MTUS2: variants seen among roughly 807,000 people sequenced by gnomAD.
MTUS2 encodes the protein microtubule associated scaffold protein 2.
In MTUS2, 40 loss-of-function variants were observed where a neutral mutation model predicts 114.1. That is an observed-to-expected ratio of 0.35 (90% CI 0.27 to 0.46). The LOEUF is 0.46. Ranked by LOEUF, MTUS2 falls within the 20% of genes least tolerant of loss-of-function variation. The pLI is 1.00. For missense variants in MTUS2, 1,679 were observed against 1,705.4 expected, an observed-to-expected ratio of 0.98 and a Z score of 0.27; for synonymous variants, 688 against 672.0, an observed-to-expected ratio of 1.02 and a Z score of -0.37.
chr13:29,029,717 A>G (rs1489122807), intron 3 of MTUS2, among the ~76,000 whole-genome samples: 1 of 152,086 alleles, frequency 6.6e-6, no homozygotes, highest in Non-Finnish European at 1.5e-5. Flanking sequence ...CTCAAGGGGG[A>G]AGAAGAAGGG....
At chr13:29,184,288 G>A (rs1013507737) in intron 5 of MTUS2, among the ~76,000 whole-genome samples, 2 of 152,050 alleles carry the variant, frequency 1.3e-5, no homozygotes, top group Non-Finnish European at 2.9e-5. Flanking sequence ...CCCCTCCAGG[G>A]GCCTCCCTTA....
At chr13:29,191,472 C>T (rs865993693) in intron 5 of MTUS2, among the ~76,000 whole-genome samples, 2 of 152,102 alleles carry the variant, frequency 1.3e-5, no homozygotes, top group Non-Finnish European at 2.9e-5. Context: ...ATTCTGACAT[C>T]GTGGCAACTG....
chr13:29,251,285 G>GGATGAT (rs200534984), intron 5 of MTUS2, among the ~76,000 whole-genome samples: 2 of 74,944 alleles, frequency 2.7e-5, no homozygotes, highest in Admixed American at 3.7e-4. Flanking sequence ...TGTGAAAATG[G>GGATGAT]GATGATGATA....
intron 4 of MTUS2, among the ~76,000 whole-genome samples, chr13:29,038,272 A>G (rs1213358190): frequency 6.6e-6 from 1 of 152,172 alleles, no homozygotes; most frequent in Non-Finnish European, 1.5e-5. Context: ...GGATTCTGTT[A>G]GTTTTCCTTT....
intron 11 of MTUS2, among the ~76,000 whole-genome samples, chr13:29,489,212 C>T (rs1402995651): frequency 6.6e-6 from 1 of 152,086 alleles, no homozygotes; most frequent in African/African-American, 2.4e-5. Context: ...GCAGAGGTTG[C>T]AGTGAGTCAA....
chr13:29,323,318 C>T (rs1214372669), intron 6 of MTUS2, among the ~76,000 whole-genome samples: 3 of 151,272 alleles, frequency 2.0e-5, no homozygotes, highest in African/African-American at 4.9e-5. Context: ...GGCGTGATCT[C>T]GGCTCACTGC....
intron 2 of MTUS2, among the ~76,000 whole-genome samples, chr13:28,892,538 T>A (rs1878994498): frequency 1.3e-5 from 2 of 152,102 alleles, no homozygotes; most frequent in South Asian, 2.1e-4. Context: ...ATTAAAAAAA[T>A]TTGTGCTATT....
intron 5 of MTUS2, among the ~76,000 whole-genome samples, chr13:29,216,400 G>A (rs1215737903): frequency 6.6e-6 from 1 of 152,172 alleles, no homozygotes; most frequent in Non-Finnish European, 1.5e-5. Context: ...GTCTTGCTGG[G>A]GTTCCAGGTG....
At chr13:29,329,207 G>A (rs1382940518) in intron 7 of MTUS2, among the ~76,000 whole-genome samples, 2 of 151,954 alleles carry the variant, frequency 1.3e-5, no homozygotes, top group African/African-American at 4.8e-5. Context: ...AGGTGTACAC[G>A]TGCCATGGTG....
At chr13:28,990,648 A>T in intron 2 of MTUS2, among the ~76,000 whole-genome samples, 1 of 152,256 alleles carries the variant, frequency 6.6e-6, no homozygotes, top group East Asian at 1.9e-4. Flanking sequence ...GCACTCTGTA[A>T]AATGGACCAA....
intron 2 of MTUS2, among the ~76,000 whole-genome samples, chr13:28,937,840 C>G (rs1395182829): frequency 6.6e-6 from 1 of 152,072 alleles, no homozygotes; most frequent in East Asian, 1.9e-4. Flanking sequence ...GGTCAGCTGA[C>G]CTCTAGGTCT....
intron 2 of MTUS2, among the ~76,000 whole-genome samples, chr13:28,933,817 C>G: frequency 6.6e-6 from 1 of 152,326 alleles, no homozygotes; most frequent in South Asian, 2.1e-4. Flanking sequence ...CTTACTATTT[C>G]CACTCTCTGT....
intron 5 of MTUS2, among the ~76,000 whole-genome samples, chr13:29,136,771 T>C (rs1891995696): frequency 6.6e-6 from 1 of 152,208 alleles, no homozygotes; most frequent in South Asian, 2.1e-4. Context: ...TGTGAGCCAC[T>C]CTAATTTGTT....
intron 5 of MTUS2, among the ~76,000 whole-genome samples, chr13:29,213,728 T>G (rs183943087): frequency 3.8e-4 from 58 of 152,316 alleles, no homozygotes; most frequent in Admixed American, 2.7e-3. Flanking sequence ...GATTTTTAAG[T>G]AGGCTTCTTA....
chr13:29,261,388 C>T (rs1897466128), intron 5 of MTUS2, among the ~76,000 whole-genome samples: 2 of 152,206 alleles, frequency 1.3e-5, no homozygotes, highest in Non-Finnish European at 2.9e-5. Flanking sequence ...GGCTCAGGTA[C>T]AGTGATCCCC....
chr13:28,820,644 G>A (rs1873825515), intron 1 of MTUS2, 33 bp downstream of exon 1: 1 of 152,160 alleles, frequency 6.6e-6, no homozygotes, highest in African/African-American at 2.4e-5. Context: ...GGTCCGGTGG[G>A]GTCGGCTGGC....
At chr13:29,402,566 G>A (rs1053618566) in intron 8 of MTUS2, among the ~76,000 whole-genome samples, 1 of 152,094 alleles carries the variant, frequency 6.6e-6, no homozygotes, top group Admixed American at 6.5e-5. Flanking sequence ...TGCAGGGGTG[G>A]GAAGCAAGGA....
intron 4 of MTUS2, among the ~76,000 whole-genome samples, chr13:29,044,941 G>A (rs1485826773): frequency 6.6e-6 from 1 of 152,070 alleles, no homozygotes; most frequent in Non-Finnish European, 1.5e-5. Flanking sequence ...ATCAGTCAGG[G>A]ACCACCTTCA....
chr13:28,981,767 C>T (rs1345941969), intron 2 of MTUS2, among the ~76,000 whole-genome samples: 2 of 152,130 alleles, frequency 1.3e-5, no homozygotes, highest in East Asian at 1.9e-4. Context: ...GTGGCCCTGC[C>T]GCTTCAGGAA....
Sources: allele counts gnomAD v4.1 joint callset (sites outside exome capture counted in the v4.1 genomes callset), GRCh38; gene constraint gnomAD v4.1.1; transcripts MANE v1.5; gene names NCBI Gene and HGNC (gene_info 2026-07-23, HGNC 2026-07-21).